Variants in NRG3 observed in about 807,000 individuals in gnomAD.
NRG3 encodes the protein pro-neuregulin-3, membrane-bound isoform.
NRG3 carries 31 observed loss-of-function variants against 66.9 expected under a neutral mutation model. The ratio of observed to expected loss-of-function variants is 0.46; its 90% confidence interval spans 0.35 to 0.63. The LOEUF (loss-of-function observed/expected upper bound fraction) is 0.63, where lower values mean the gene tolerates loss of function less well. Among genes scored for constraint, NRG3 ranks in the 20% least tolerant of loss-of-function variants. The pLI is 0.00. For synonymous variants in NRG3, 393 were observed against 359.4 expected (o/e 1.09, Z -1.06); for missense variants, 910 against 878.9 (o/e 1.04, Z -0.45).
chr10:82,900,834 A>G (rs1455211184), intron 4 of NRG3, among the ~76,000 whole-genome samples: 3 of 152,190 alleles, frequency 2.0e-5, no homozygotes, highest in Non-Finnish European at 4.4e-5. Context: ...GAGATGACAC[A>G]CATTTTGATG....
intron 1 of NRG3, among the ~76,000 whole-genome samples, chr10:82,248,180 T>C (rs1412987188): frequency 6.6e-6 from 1 of 152,210 alleles, no homozygotes. Context: ...TTCAGTTCAC[T>C]AGCTCTTTCA....
At chr10:82,115,299 G>A (rs143961544) in intron 1 of NRG3, among the ~76,000 whole-genome samples, 1 of 152,020 alleles carries the variant, frequency 6.6e-6, no homozygotes, top group Non-Finnish European at 1.5e-5. Flanking sequence ...TTTCCAAGAG[G>A]CCCCTTCAAG....
At chr10:82,904,861 C>T (rs17101038) in intron 4 of NRG3, among the ~76,000 whole-genome samples, 45,262 of 151,976 alleles carry the variant, frequency 0.3, 7,067 homozygotes, top group East Asian at 0.53. Flanking sequence ...TACATACTTC[C>T]AGTCATAGAT....
chr10:82,086,012 T>C (rs1419960631), intron 1 of NRG3, among the ~76,000 whole-genome samples: 1 of 152,098 alleles, frequency 6.6e-6, no homozygotes. Flanking sequence ...AAATGACCTT[T>C]TAAAAGGACA....
At chr10:82,756,062 C>A (rs56022821) in intron 3 of NRG3, among the ~76,000 whole-genome samples, 414 of 151,874 alleles carry the variant, frequency 2.7e-3, no homozygotes, top group Non-Finnish European at 4.9e-3. Context: ...TGAAAACGTA[C>A]CGTTTGTTTT....
chr10:82,014,827 TAAC>T (rs2061717374), intron 1 of NRG3, among the ~76,000 whole-genome samples: 1 of 151,896 alleles, frequency 6.6e-6, no homozygotes, highest in Non-Finnish European at 1.5e-5. Flanking sequence ...AGCCTAGAAA[TAAC>T]AGGCTAGAAA....
intron 1 of NRG3, among the ~76,000 whole-genome samples, chr10:82,156,022 A>G (rs537307518): frequency 3.3e-5 from 5 of 151,800 alleles, no homozygotes; most frequent in African/African-American, 1.2e-4. Context: ...GGGAACTGAT[A>G]TAGCTCAGTG....
intron 1 of NRG3, among the ~76,000 whole-genome samples, chr10:82,170,654 G>GTGTGTATA (rs1554839695): frequency 2.7e-5 from 2 of 74,220 alleles, no homozygotes; most frequent in Non-Finnish European, 6.1e-5. Flanking sequence ...AAAACTTGTG[G>GTGTGTATA]TATATATATA....
chr10:82,414,555 G>A lies in NRG3; in HGVS notation c.953+55687G>A, dbSNP rs111264074. Among the ~76,000 whole-genome samples the A allele has an allele frequency of 5.6e-3, 849 of 152,264 alleles. 8 individuals are homozygous for A. The highest frequency in any genetic ancestry group is 0.02 in the African/African-American group (817 of 41,570). On this transcript the variant is annotated intron_variant, in intron 2 of 8. Transcript: ENST00000372141. Reference sequence around the variant, plus strand: ...AAATGGCACTGATATAAACTTCCTCGATGCAGGGTTGTCACAAACCTTTAA... The same window carrying A: ...AAATGGCACTGATATAAACTTCCTCAATGCAGGGTTGTCACAAACCTTTAA...
chr10:82,497,189 C>T (rs1437651799), intron 2 of NRG3, among the ~76,000 whole-genome samples: 1 of 152,138 alleles, frequency 6.6e-6, no homozygotes, highest in Non-Finnish European at 1.5e-5. Flanking sequence ...CTCGTTAAAT[C>T]TTGCATACCA....
At chr10:82,195,049 A>G (rs1021412878) in intron 1 of NRG3, among the ~76,000 whole-genome samples, 2 of 152,116 alleles carry the variant, frequency 1.3e-5, no homozygotes, top group Non-Finnish European at 2.9e-5. Context: ...AATTTGAGTT[A>G]GATTCCTTCC....
intron 1 of NRG3, among the ~76,000 whole-genome samples, chr10:82,301,738 A>G (rs896275373): frequency 6.9e-6 from 1 of 144,706 alleles, no homozygotes. Context: ...TTAATAAAGA[A>G]GCACTTTACC....
intron 1 of NRG3, among the ~76,000 whole-genome samples, chr10:82,050,723 T>C (rs552698971): frequency 2.0e-5 from 3 of 152,054 alleles, no homozygotes; most frequent in Non-Finnish European, 4.4e-5. Flanking sequence ...CAGGTACCAC[T>C]TTAACCACCA....
At position 82,976,641 on chromosome 10, in the gene NRG3, T is replaced by G. The variant is rs191295946; in HGVS notation, c.1413-2309T>G. ...TCTAGCAGCTAGTTTCTACCTTTTT[T>G]GTTTTCTGCCTTGCCCTGTACACCA... On this transcript the variant is annotated intron_variant, in intron 7 of 8. Coordinates refer to ENST00000372141, the MANE Select transcript of NRG3 (RefSeq NM_001010848.4). 1.6e-3 allele frequency among the ~76,000 whole-genome samples: 238 copies of G among 152,324 alleles called. 2 individuals are homozygous for G. Among genetic ancestry groups the G allele is most frequent in the African/African-American group, 5.6e-3 (233 of 41,578 alleles).
intron 1 of NRG3, among the ~76,000 whole-genome samples, chr10:82,004,611 T>C (rs2061314059): frequency 6.6e-6 from 1 of 152,208 alleles, no homozygotes; most frequent in African/African-American, 2.4e-5. Context: ...AATTGTTTCC[T>C]CTCTCCTTTT....
At chr10:82,813,805 A>T (rs1401016151) in intron 3 of NRG3, among the ~76,000 whole-genome samples, 1 of 152,198 alleles carries the variant, frequency 6.6e-6, no homozygotes, top group Admixed American at 6.5e-5. Context: ...TAGAGATTGT[A>T]TATTGAAGCG....
intron 2 of NRG3, among the ~76,000 whole-genome samples, chr10:82,637,892 C>G (rs2133787187): frequency 6.8e-6 from 1 of 148,120 alleles, no homozygotes; most frequent in South Asian, 2.2e-4. Context: ...GTTAATTTCC[C>G]AATTTTGATA....
Position 82,100,499 on chromosome 10 carries a change from A to G in NRG3, c.823+224336A>G, listed in dbSNP as rs149024757. On this transcript the variant is annotated intron_variant, in intron 1 of 8. Transcript: ENST00000372141. ...ATCATTCAGTCTTTCAACTTTAAAT[A>G]TAACAGTAGTCTAAGCATTTGTTTT... 5.9e-5 allele frequency among the ~76,000 whole-genome samples: 9 copies of G among 152,296 alleles called. No homozygotes were observed. In the East Asian group the frequency reaches 9.6e-4, roughly 16 times the overall value.
In NRG3 at chr10:82,477,099, G is replaced by A. The variant is rs1841853369; in HGVS notation, c.953+118231G>A. On this transcript the variant is annotated intron_variant, in intron 2 of 8. Coordinates refer to ENST00000372141, the MANE Select transcript of NRG3 (RefSeq NM_001010848.4). ...GCTGCAGAAGCTGATGTTCAAAAAG[G>A]TCCATAAAATCAAAAGAGAGGCCAA... Among the ~76,000 whole-genome samples, 6 of 152,018 alleles carry A rather than the reference G, an allele frequency of 3.9e-5. No homozygotes were observed. In the South Asian group the frequency reaches 1.2e-3, roughly 32 times the overall value.
Sources: allele counts gnomAD v4.1 joint callset (sites outside exome capture counted in the v4.1 genomes callset), GRCh38; gene constraint gnomAD v4.1.1; transcripts MANE v1.5; gene names NCBI Gene and HGNC (gene_info 2026-07-23, HGNC 2026-07-21).